Variants in PLPP1 observed in about 807,000 individuals in gnomAD.
The protein encoded by PLPP1 is phospholipid phosphatase 1.
A neutral mutation model predicts 31.2 loss-of-function variants in PLPP1; 24 were observed. The observed-to-expected ratio is 0.77, with a 90% CI of 0.56 to 1.08. PLPP1 has a LOEUF of 1.08. PLPP1 is among the 50% of genes least tolerant of loss of function. The pLI is 0.00. For missense variants in PLPP1, 319 were observed against 342.7 expected (o/e 0.93, Z 0.55); for synonymous variants, 146 against 126.3 (o/e 1.16, Z -1.05).
chr5:55,524,881 A>T (rs1007786840), intron 1 of PLPP1, among the ~76,000 whole-genome samples: 24 of 152,312 alleles, frequency 1.6e-4, no homozygotes, highest in African/African-American at 5.1e-4. Flanking sequence ...CCAAGACCTC[A>T]GCAATAAAAA....
intron 1 of PLPP1, chr5:55,530,802 C>A (rs1740635478): frequency 6.9e-7 from 1 of 1,444,580 alleles, no homozygotes; most frequent in Non-Finnish European, 9.7e-7. Context: ...AGGGCGCGGT[C>A]CGCACGGGCG....
Position 55,425,330 on chromosome 5 carries a change from A to G in PLPP1, c.731T>C (p.Val244Ala). The change falls in exon 6 of 6, where the codon GTA (valine) becomes GCA (alanine). Residue 244 changes from valine (V) to alanine (A), a missense_variant. By Grantham distance (64) the Val-to-Ala change is moderately conservative (BLOSUM62 0). Coordinates refer to ENST00000307259, the MANE Select transcript of PLPP1 (RefSeq NM_003711.4). ...TTCTTTGAAGAAATCCGATACATAT[A>G]CAGCCTACAGTGCAAAATATTTAAT... ...QGALVAILVA[V>A]YVSDFFKERT... is the part of the protein sequence containing the mutation. 6.3e-7 allele frequency: 1 copy of G among 1,598,268 alleles called. No individual in the cohort carries two copies.
chr5:55,517,723 G>C (rs1183003203), intron 1 of PLPP1, among the ~76,000 whole-genome samples: 1 of 152,098 alleles, frequency 6.6e-6, no homozygotes, highest in Admixed American at 6.5e-5. Context: ...TCTCTTTACG[G>C]GACAGCAAAC....
intron 3 of PLPP1, among the ~76,000 whole-genome samples, chr5:55,449,289 TTAAAC>T (rs965040801): frequency 5.3e-5 from 8 of 151,714 alleles, no homozygotes; most frequent in Non-Finnish European, 1.2e-4. Context: ...CAAATGGGGG[TTAAAC>T]TAAACTTTCA....
chr5:55,479,511 C>T (rs1197120468), intron 1 of PLPP1, among the ~76,000 whole-genome samples: 1 of 152,170 alleles, frequency 6.6e-6, no homozygotes, highest in South Asian at 2.1e-4. Context: ...TGAATTTTAA[C>T]AAAAACTGAG....
At chr5:55,515,174 CA>C (rs563165079) in intron 1 of PLPP1, among the ~76,000 whole-genome samples, 113 of 152,324 alleles carry the variant, frequency 7.4e-4, no homozygotes, top group Non-Finnish European at 1.4e-3. Flanking sequence ...AGTTAGAAAA[CA>C]ATATATCAAA....
At chr5:55,437,179 G>C (rs1561222762) in intron 4 of PLPP1, among the ~76,000 whole-genome samples, 1 of 152,066 alleles carries the variant, frequency 6.6e-6, no homozygotes, top group Non-Finnish European at 1.5e-5. Flanking sequence ...AACCATTTTT[G>C]GTTGAAATTT....
intron 1 of PLPP1, among the ~76,000 whole-genome samples, chr5:55,515,404 A>G (rs1278841249): frequency 6.6e-6 from 1 of 152,074 alleles, no homozygotes; most frequent in Non-Finnish European, 1.5e-5. Context: ...TGTGCTTGTT[A>G]TTTTCTAAAG....
At chr5:55,431,720 C>G (rs1751355624) in intron 4 of PLPP1, among the ~76,000 whole-genome samples, 1 of 151,990 alleles carries the variant, frequency 6.6e-6, no homozygotes, top group Admixed American at 6.6e-5. Flanking sequence ...AAAACAAGAA[C>G]AAACCTAAAA....
At chr5:55,489,364 C>T (rs985507231) in intron 1 of PLPP1, among the ~76,000 whole-genome samples, 11 of 152,046 alleles carry the variant, frequency 7.2e-5, no homozygotes, top group Admixed American at 2.6e-4. Flanking sequence ...ACAGAAACAC[C>T]GTCTATTGTC....
intron 1 of PLPP1, among the ~76,000 whole-genome samples, chr5:55,528,743 A>T (rs1417596726): frequency 1.3e-5 from 2 of 152,234 alleles, no homozygotes; most frequent in Non-Finnish European, 2.9e-5. Context: ...ATACCTTTTT[A>T]TACAATATAT....
chr5:55,494,728 ACGC>A (rs1406494273), intron 1 of PLPP1, among the ~76,000 whole-genome samples: 11 of 152,084 alleles, frequency 7.2e-5, no homozygotes, highest in African/African-American at 1.4e-4. Context: ...TATGTCTATC[ACGC>A]TGTACTTTAA....
chr5:55,475,527 G>T, intron 1 of PLPP1, 77 bp from the exon 2 acceptor site: 1 of 1,307,554 alleles, frequency 7.6e-7, no homozygotes, highest in Non-Finnish European at 1.0e-6. Context: ...TTATCCCACA[G>T]ACTCTGTCTA....
chr5:55,491,149 AAAT>A, intron 1 of PLPP1: 1 of 1,596,968 alleles, frequency 6.3e-7, no homozygotes, highest in Non-Finnish European at 8.5e-7. Context: ...ACACATGATT[AAAT>A]TCAATTCACT....
intron 1 of PLPP1, among the ~76,000 whole-genome samples, chr5:55,514,977 T>C (rs575498108): frequency 6.6e-6 from 1 of 152,356 alleles, no homozygotes; most frequent in East Asian, 1.9e-4. Flanking sequence ...TACCTGCTAC[T>C]TTATATACAC....
At chr5:55,467,827 G>C in intron 3 of PLPP1, 42 bp downstream of exon 3, 2 of 1,545,546 alleles carry the variant, frequency 1.3e-6, no homozygotes, top group Non-Finnish European at 1.7e-6. Context: ...TCTATTCCAA[G>C]AATATACAAG....
chr5:55,533,210 C>A (rs1740740228), intron 1 of PLPP1, among the ~76,000 whole-genome samples: 1 of 151,728 alleles, frequency 6.6e-6, no homozygotes, highest in African/African-American at 2.4e-5. Context: ...ATGGAGAAAC[C>A]CTGTCTCTAC....
chr5:55,501,635 G>C (rs553914831), intron 1 of PLPP1, among the ~76,000 whole-genome samples: 3 of 152,244 alleles, frequency 2.0e-5, no homozygotes, highest in African/African-American at 7.2e-5. Flanking sequence ...CTCCTGAGGA[G>C]CTGGGATTAC....
At chr5:55,446,864 C>A (rs946562247) in intron 3 of PLPP1, among the ~76,000 whole-genome samples, 9 of 152,200 alleles carry the variant, frequency 5.9e-5, no homozygotes, top group Non-Finnish European at 1.0e-4. Context: ...TCTTTTATGT[C>A]CTCTTCCCCG....
Sources: allele counts gnomAD v4.1 joint callset (sites outside exome capture counted in the v4.1 genomes callset), GRCh38; gene constraint gnomAD v4.1.1; transcripts MANE v1.5; gene names NCBI Gene and HGNC (gene_info 2026-07-23, HGNC 2026-07-21).